AMMECR1: variants seen among roughly 807,000 people sequenced by gnomAD.
AMMECR1 encodes nuclear protein AMMECR1.
In AMMECR1, 3 loss-of-function variants were observed where a neutral mutation model predicts 22.5. That is an observed-to-expected ratio of 0.13 (90% CI 0.06 to 0.35). The LOEUF (loss-of-function observed/expected upper bound fraction) is 0.35. Among genes scored for constraint, AMMECR1 ranks in the 10% least tolerant of loss-of-function variants. AMMECR1 has a pLI of 1.00. For synonymous variants in AMMECR1, 130 were observed against 116.7 expected, an observed-to-expected ratio of 1.11 and a Z score of -0.74; for missense variants, 235 against 278.7, an observed-to-expected ratio of 0.84 and a Z score of 1.12.
intron 2 of AMMECR1, among the ~76,000 whole-genome samples, chrX:110,261,957 G>A (rs2067743653): frequency 9.0e-6 from 1 of 111,052 alleles, no homozygotes. Flanking sequence ...TTTTGAAAAT[G>A]TAGATATTAG....
intron 2 of AMMECR1, among the ~76,000 whole-genome samples, chrX:110,414,879 A>G (rs1377168119): frequency 8.9e-6 from 1 of 112,139 alleles, no homozygotes; most frequent in East Asian, 2.8e-4. Context: ...CACTGCATCC[A>G]CTACCACTTG....
At chrX:110,238,818 G>T (rs2067615501) in intron 2 of AMMECR1, among the ~76,000 whole-genome samples, 1 of 111,988 alleles carries the variant, frequency 8.9e-6, no homozygotes, top group Non-Finnish European at 1.9e-5. Flanking sequence ...CATCTGGCGG[G>T]TGCCCCTCTG....
At chrX:110,259,975 G>A (rs766437957) in intron 2 of AMMECR1, among the ~76,000 whole-genome samples, 14 of 111,040 alleles carry the variant, frequency 1.3e-4, no homozygotes, top group Non-Finnish European at 2.5e-4. Flanking sequence ...CTAAAATTGG[G>A]GAAATGAATC....
At chrX:110,393,790 C>T (rs887953823) in intron 2 of AMMECR1, among the ~76,000 whole-genome samples, 2 of 112,708 alleles carry the variant, frequency 1.8e-5, no homozygotes, top group Admixed American at 9.3e-5. Context: ...GGCGTCCTGA[C>T]CAGGGTGGTT....
intron 2 of AMMECR1, among the ~76,000 whole-genome samples, chrX:110,339,527 G>A (rs1367717290): frequency 6.5e-5 from 7 of 107,384 alleles, no homozygotes; most frequent in Non-Finnish European, 9.6e-5. Context: ...AAGGAGTTTC[G>A]CTCTTGTTGC....
At chrX:110,420,240 G>A (rs1209721126) in intron 2 of AMMECR1, among the ~76,000 whole-genome samples, 1 of 112,382 alleles carries the variant, frequency 8.9e-6, no homozygotes, top group African/African-American at 3.2e-5. Context: ...AGCTTCTCAA[G>A]TGCAGAGACT....
intron 2 of AMMECR1, among the ~76,000 whole-genome samples, chrX:110,241,610 T>C (rs911752678): frequency 9.2e-6 from 1 of 108,893 alleles, no homozygotes; most frequent in Non-Finnish European, 1.9e-5. Flanking sequence ...AGTTGAACAA[T>C]GAGAACACAT....
At chrX:110,311,613 AAAT>A (rs2068023708) in intron 1 of AMMECR1, among the ~76,000 whole-genome samples, 1 of 112,059 alleles carries the variant, frequency 8.9e-6, no homozygotes, top group Non-Finnish European at 1.9e-5. Context: ...GAGCTGTAGA[AAAT>A]ACACCCACAC....
chrX:110,368,119 G>A (rs2068311438), intron 2 of AMMECR1, among the ~76,000 whole-genome samples: 1 of 108,768 alleles, frequency 9.2e-6, no homozygotes, highest in Admixed American at 1.0e-4. Flanking sequence ...GGGATTACAG[G>A]TGTGAGCCAC....
At chrX:110,240,820 T>C (rs376345626) in intron 2 of AMMECR1, among the ~76,000 whole-genome samples, 5 of 111,898 alleles carry the variant, frequency 4.5e-5, no homozygotes, top group East Asian at 5.6e-4. Context: ...GACCACATAA[T>C]TGGAAGTAAA....
intron 2 of AMMECR1, among the ~76,000 whole-genome samples, chrX:110,236,877 G>A (rs1454944282): frequency 9.0e-6 from 1 of 111,335 alleles, no homozygotes; most frequent in Non-Finnish European, 1.9e-5. Context: ...TTAGTCTTTA[G>A]ATTACTGTAC....
chrX:110,226,517 G>GA (rs1342664392), intron 2 of AMMECR1, among the ~76,000 whole-genome samples: 2 of 111,735 alleles, frequency 1.8e-5, no homozygotes, highest in Non-Finnish European at 3.8e-5. Flanking sequence ...TGAGGTAGGA[G>GA]AATCACTTGA....
intron 2 of AMMECR1, among the ~76,000 whole-genome samples, chrX:110,229,884 C>T (rs1023321190): frequency 4.5e-4 from 51 of 112,850 alleles, no homozygotes; most frequent in African/African-American, 1.6e-3. Context: ...CTCCCACGCC[C>T]ACGGAGCCTT....
chrX:110,367,249 G>A (rs1367298084), intron 2 of AMMECR1, among the ~76,000 whole-genome samples: 1 of 111,673 alleles, frequency 9.0e-6, no homozygotes, highest in Non-Finnish European at 1.9e-5. Context: ...CCAAGTCATA[G>A]CCCCATTTCT....
intron 2 of AMMECR1, among the ~76,000 whole-genome samples, chrX:110,259,591 C>CTT (rs56156052): frequency 1.1e-5 from 1 of 94,795 alleles, no homozygotes; most frequent in Non-Finnish European, 2.2e-5. Context: ...CTTTCTTTTT[C>CTT]TTTTTTTTTT....
chrX:110,379,056 C>G (rs2068399590), intron 2 of AMMECR1, among the ~76,000 whole-genome samples: 1 of 112,133 alleles, frequency 8.9e-6, no homozygotes, highest in Admixed American at 9.4e-5. Flanking sequence ...TCTCACTACT[C>G]AAATAAAGTT....
At chrX:110,222,658 G>A (rs2067510082) in intron 2 of AMMECR1, among the ~76,000 whole-genome samples, 2 of 107,134 alleles carry the variant, frequency 1.9e-5, no homozygotes, top group African/African-American at 6.8e-5. Context: ...AAAGGAATAT[G>A]TAAAAAGAGA....
intron 2 of AMMECR1, among the ~76,000 whole-genome samples, chrX:110,393,046 A>G (rs1271311020): frequency 8.9e-6 from 1 of 111,775 alleles, no homozygotes; most frequent in African/African-American, 3.3e-5. Context: ...TCCTGGATTA[A>G]GACCACATTT....
intron 3 of AMMECR1, among the ~76,000 whole-genome samples, chrX:110,205,484 G>T (rs2067417510): frequency 8.9e-6 from 1 of 111,828 alleles, no homozygotes; most frequent in Non-Finnish European, 1.9e-5. Context: ...CTAGATAAAA[G>T]ATCAGCGAAC....
Sources: gnomAD v4.1 joint callset for allele counts (sites outside exome capture counted in the v4.1 genomes callset) on GRCh38, gnomAD v4.1.1 for gene constraint, MANE v1.5 for transcripts, NCBI Gene and HGNC (gene_info 2026-07-23, HGNC 2026-07-21) for gene names.